The following PRRC2B variants were observed in gnomAD, a reference collection of about 807,000 sequenced individuals.
PRRC2B encodes the protein protein PRRC2B.
PRRC2B carries 68 observed loss-of-function variants against 242.3 expected under a neutral mutation model. The observed-to-expected ratio is 0.28, with a 90% CI of 0.23 to 0.34. The LOEUF is 0.34. PRRC2B is among the 10% of genes least tolerant of loss of function. PRRC2B has a pLI of 1.00. For synonymous variants in PRRC2B, 1,228 were observed against 1,173.6 expected (o/e 1.05, Z -0.95); for missense variants, 2,835 against 2,954.8 (o/e 0.96, Z 0.94).
rs1380825275 is a variant in PRRC2B at position 131,475,405 on chromosome 9, G to T, written c.3276G>T (p.Gly1092=). 5 of 1,579,260 alleles carry T rather than the reference G, an allele frequency of 3.2e-6. No individual in the cohort carries two copies. The South Asian group carries it at 3.5e-5, about 11-fold the overall frequency. The change falls in exon 16 of 32, where the codon GGG becomes GGT. Residue 1092 remains glycine (G), a synonymous_variant. Coordinates refer to ENST00000683519, the MANE Select transcript of PRRC2B (RefSeq NM_013318.4). ...ATGGGAGCGGCCTCTGTGGTGGGGG[G>T]GTCCTGGGGGCCCGCAGCATCTACT... ...GGNGSGLCGG[G]VLGARSIYCS... is the part of the protein sequence containing the mutation.
At chr9:131,484,028 G>T (rs1472536408) in intron 23 of PRRC2B, among the ~76,000 whole-genome samples, 1 of 152,246 alleles carries the variant, frequency 6.6e-6, no homozygotes, top group Non-Finnish European at 1.5e-5. Context: ...TCCAAGGAAT[G>T]TGAGTGCTGT....
chr9:131,380,149 C>T (rs1271774391), intron 1 of PRRC2B, among the ~76,000 whole-genome samples: 2 of 151,450 alleles, frequency 1.3e-5, no homozygotes, highest in Non-Finnish European at 2.9e-5. Flanking sequence ...TGCACCACCA[C>T]GCCCAGCTAA....
chr9:131,439,899 GATT>G (rs1564284571), intron 5 of PRRC2B, among the ~76,000 whole-genome samples: 2 of 35,618 alleles, frequency 5.6e-5, no homozygotes, highest in Non-Finnish European at 5.6e-5. Context: ...ACATCTGGCT[GATT>G]TTTTTTTTTT....
At position 131,484,680 on chromosome 9, in the gene PRRC2B, C is replaced by A. The variant is rs1264743575; in HGVS notation, c.5461-6C>A. 4.4e-6 allele frequency: 7 copies of A among 1,594,620 alleles called. No homozygotes were observed. Among genetic ancestry groups the A allele is most frequent in the Non-Finnish European group, 5.1e-6 (6 of 1,170,790 alleles). ...TGTTCCATGGTTTCCTTTTCCTCCT[C>A]TCCAGGCAGGGTTAACACAGAGTAT... is the stretch of plus-strand genomic sequence containing the variant. On this transcript the variant is annotated splice_region_variant and splice_polypyrimidine_tract_variant and intron_variant, in intron 23 of 31. Transcript: ENST00000683519.
intron 11 of PRRC2B, among the ~76,000 whole-genome samples, chr9:131,461,301 C>G (rs2131416156): frequency 6.6e-6 from 1 of 152,322 alleles, no homozygotes; most frequent in Non-Finnish European, 1.5e-5. Flanking sequence ...GAATGTCCCC[C>G]TCATCTAGCT....
At chr9:131,375,941 T>A (rs1836677748) in intron 1 of PRRC2B, among the ~76,000 whole-genome samples, 1 of 147,834 alleles carries the variant, frequency 6.8e-6, no homozygotes, top group Non-Finnish European at 1.5e-5. Flanking sequence ...CCCAGCTACT[T>A]GGGAGGCTGA....
chr9:131,393,716 G>C (rs1249146716), upstream of PRRC2B, among the ~76,000 whole-genome samples: 4 of 104,252 alleles, frequency 3.8e-5, no homozygotes, highest in South Asian at 9.4e-4. Flanking sequence ...CCCTCTTTCC[G>C]GGCGCCCTTC....
rs543835820 is a variant in PRRC2B, at chr9:131,483,444, A to G, written c.5459A>G (p.Asn1820Ser). 2.0e-5 allele frequency: 32 copies of G among 1,613,562 alleles called. No homozygotes were observed. In the African/African-American group the frequency reaches 3.7e-4, roughly 19 times the overall value. The change falls in exon 23 of 32, where the codon AAT (asparagine) becomes AGT (serine). Residue 1820 changes from asparagine to serine, a missense_variant and splice_region_variant. Around this residue, in one of 7 missense-constraint regions of PRRC2B, gnomAD observed 574 missense variants for 626.0 expected, o/e 0.92. Coordinates refer to ENST00000683519, the MANE Select transcript of PRRC2B (RefSeq NM_013318.4). ...AAACTTCAGGATGCCTTGGCCAGTA[A>G]TGTAAGTCCACACTTCCACTTTTGG... ...VVKLQDALAS[N>S]AGLTQSIPIL... is the part of the protein sequence containing the mutation.
intron 1 of PRRC2B, among the ~76,000 whole-genome samples, 162 bp downstream of exon 1, chr9:131,394,425 C>T (rs1469209225): frequency 5.5e-5 from 8 of 146,358 alleles, no homozygotes; most frequent in South Asian, 4.1e-4. Flanking sequence ...CCGCCGCCTC[C>T]TTCCCGCCGG....
chr9:131,467,603 C>G lies in PRRC2B; in HGVS notation c.1761C>G (p.Phe587Leu). 6.2e-7 allele frequency: 1 copy of G among 1,612,880 alleles called. No homozygotes were observed. Among genetic ancestry groups the G allele is most frequent in the Non-Finnish European group, 8.5e-7 (1 of 1,179,458 alleles). Residue 587 changes from phenylalanine to leucine, a missense_variant, in exon 13 of 32, where the codon TTC becomes TTG. Phe to Leu is a conservative substitution (Grantham distance 22). Around this residue, in one of 7 missense-constraint regions of PRRC2B, gnomAD observed 1,536 missense variants for 1,483.1 expected, o/e 1.04. Transcript: ENST00000683519. ...CTGCCCAAGAGACCCCCACCACATT[C>G]CCAGAAGAGGCACCCACAGTGTCCC... ...EFPAQETPTT[F>L]PEEAPTVSPA...
chr9:131,448,933 C>T (rs1457416458), intron 9 of PRRC2B, among the ~76,000 whole-genome samples: 3 of 152,216 alleles, frequency 2.0e-5, no homozygotes, highest in Non-Finnish European at 4.4e-5. Context: ...CCACCGCAGG[C>T]TTCCTCATTG....
rs1431035641 is a variant in PRRC2B, at chr9:131,500,013, T to TG, written c.*4142dup. Reference sequence around the variant, plus strand: ...TGTGCAGCTTGTTTATACGGTATTTTGGGAAACTTACCTTGGATGGGAAAT... The same window carrying TG: ...TGTGCAGCTTGTTTATACGGTATTTTGGGGAAACTTACCTTGGATGGGAAAT... On this transcript the variant is annotated 3_prime_UTR_variant, in exon 32 of 32. Transcript: ENST00000683519. The TG allele has an allele frequency of 2.0e-5, 3 of 152,222 alleles. No homozygotes were observed. The highest frequency in any genetic ancestry group is 4.4e-5 in the Non-Finnish European group (3 of 68,036). The allele number at this position is 152,222 out of a possible 1,614,324, so 9.4% of individuals were successfully genotyped here. A position where few individuals can be genotyped will look rare whatever the true frequency, so the allele number is the denominator to read the frequency against.
rs777278261 is a variant in PRRC2B at position 131,473,532 on chromosome 9, A to G, written c.2132A>G (p.Gln711Arg). The change falls in exon 15 of 32, where the codon CAG (glutamine) becomes CGG (arginine). Residue 711 changes from glutamine to arginine, a missense_variant. Transcript: ENST00000683519. ...GGACTGATGAAGCCCATGATGCCCC[A>G]GGAGTCCCTCAATGGGACAGGCTGT... The part of the protein sequence containing the change: ...PSGLMKPMMP[Q>R]ESLNGTGCRS... 3 of 1,605,382 alleles carry G rather than the reference A, an allele frequency of 1.9e-6. No individual in the cohort carries two copies. Among genetic ancestry groups the G allele is most frequent in the Non-Finnish European group, 2.6e-6 (3 of 1,176,032 alleles).
At chr9:131,399,070 A>C (rs543965721) in intron 1 of PRRC2B, among the ~76,000 whole-genome samples, 67 of 149,322 alleles carry the variant, frequency 4.5e-4, no homozygotes, top group Non-Finnish European at 8.6e-4. Flanking sequence ...GAGGTCAGGA[A>C]TTCAAGACCA....
intron 13 of PRRC2B, among the ~76,000 whole-genome samples, chr9:131,470,280 A>G (rs1943505937): frequency 6.6e-6 from 1 of 152,172 alleles, no homozygotes; most frequent in Non-Finnish European, 1.5e-5. Flanking sequence ...GTGGAGAACC[A>G]CTGAAGGCTC....
chr9:131,401,969 GTAT>G (rs1482358787), intron 1 of PRRC2B, among the ~76,000 whole-genome samples: 3 of 150,252 alleles, frequency 2.0e-5, no homozygotes, highest in Non-Finnish European at 4.4e-5. Context: ...TCTAATTTTT[GTAT>G]TATTGTTATT....
In PRRC2B at chr9:131,448,550, A is replaced by AAAAAAAAAAAAC. The variant is rs1239605470; in HGVS notation, c.1120+757_1120+758insCAAAAAAAAAAA. Among the ~76,000 whole-genome samples the AAAAAAAAAAAAC allele has an allele frequency of 4.6e-4, 51 of 111,304 alleles. 4 individuals are homozygous for AAAAAAAAAAAAC. The highest frequency in any genetic ancestry group is 5.7e-4 in the Non-Finnish European group (31 of 54,166). The allele number at this position is 111,304 out of a possible 152,430, so 73.0% of individuals were successfully genotyped here. A position where few individuals can be genotyped will look rare whatever the true frequency, so the allele number is the denominator to read the frequency against. On this transcript the variant is annotated intron_variant, in intron 9 of 31. Coordinates refer to ENST00000683519, the MANE Select transcript of PRRC2B (RefSeq NM_013318.4). ...CAGAGGGAGACACTGTCTCAAAAAA[A>AAAAAAAAAAAAC]AAAAAAAAAAAAAAAAAAAAGGAAA...
At chr9:131,476,615 T>C (rs1246695339) in intron 16 of PRRC2B, 80 bp downstream of exon 16, 2 of 1,318,326 alleles carry the variant, frequency 1.5e-6, no homozygotes, top group Non-Finnish European at 2.0e-6. Flanking sequence ...TGCATGCCGA[T>C]GCCGCCGTGT....
chr9:131,461,234 G>A (rs1279411178), intron 11 of PRRC2B, among the ~76,000 whole-genome samples: 2 of 152,148 alleles, frequency 1.3e-5, no homozygotes, highest in Admixed American at 6.5e-5. Flanking sequence ...CCACTCAGAT[G>A]TCATTGTCCC....
Sources: gnomAD v4.1 joint callset for allele counts (sites outside exome capture counted in the v4.1 genomes callset) on GRCh38, gnomAD v4.1.1 for gene constraint, gnomAD v4.1.1 regional missense constraint, MANE v1.5 for transcripts, NCBI Gene and HGNC (gene_info 2026-07-23, HGNC 2026-07-21) for gene names.